Variants in DNAH17 observed in about 807,000 individuals in gnomAD.
The protein encoded by DNAH17 is axonemal beta dynein heavy chain 17.
In DNAH17, 376 loss-of-function variants were observed where a neutral mutation model predicts 485.6. The observed-to-expected ratio is 0.77, with a 90% confidence interval of 0.71 to 0.84. DNAH17 has a LOEUF of 0.84. Among genes scored for constraint, DNAH17 ranks in the 40% least tolerant of loss-of-function variants. DNAH17 has a pLI of 0.00. For synonymous variants in DNAH17, 3,031 were observed against 2,405.9 expected, an observed-to-expected ratio of 1.26 and a Z score of -7.60; for missense variants, 6,370 against 5,839.3, an observed-to-expected ratio of 1.09 and a Z score of -2.96.
At chr17:78,425,684 C>G in intron 79 of DNAH17, 113 bp from the exon 80 acceptor site, 1 of 956,752 alleles carries the variant, frequency 1.0e-6, no homozygotes, top group African/African-American at 1.7e-5. Context: ...GGCCACTCAG[C>G]GAGCTAGAAG....
At position 78,442,100 on chromosome 17, in the gene DNAH17, T is replaced by G. The variant is rs530678603; in HGVS notation, c.11529-901A>C. ...TCCATCTCAGAAAAAAAAAAATTAGTAAGATTTTAGTGGCCAGCTGGTCTC... is the reference window on the plus strand; with the variant it reads ...TCCATCTCAGAAAAAAAAAAATTAGGAAGATTTTAGTGGCCAGCTGGTCTC... On this transcript the variant is annotated intron_variant, in intron 71 of 80. Transcript: ENST00000389840. Among the ~76,000 whole-genome samples the G allele has an allele frequency of 5.4e-5, 8 of 148,866 alleles. No homozygotes were observed. The East Asian group carries it at 1.2e-3, about 22-fold the overall frequency.
chr17:78,474,922 C>G (rs2088941023), intron 54 of DNAH17, among the ~76,000 whole-genome samples: 1 of 148,410 alleles, frequency 6.7e-6, no homozygotes, highest in African/African-American at 2.5e-5. Context: ...CGCTTCACCT[C>G]AGTCACACGG....
chr17:78,432,456 C>T (rs1297011171), intron 75 of DNAH17, among the ~76,000 whole-genome samples: 2 of 152,218 alleles, frequency 1.3e-5, no homozygotes, highest in Non-Finnish European at 2.9e-5. Context: ...CCAGGGAGCA[C>T]AGGGAGCCAA....
At chr17:78,469,193 G>C (rs1415702279) in intron 54 of DNAH17, among the ~76,000 whole-genome samples, 3 of 152,108 alleles carry the variant, frequency 2.0e-5, no homozygotes, top group African/African-American at 7.2e-5. Flanking sequence ...CCAGGCTGGA[G>C]TGCAGTGATG....
chr17:78,492,983 T>C (rs1453166082), intron 41 of DNAH17: 2 of 424,490 alleles, frequency 4.7e-6, no homozygotes, highest in Non-Finnish European at 8.2e-6. Context: ...CCCAAGTAGC[T>C]GGGATTACAG....
chr17:78,466,836 A>G lies in DNAH17; in HGVS notation c.8779-20T>C, dbSNP rs746075694. On this transcript the variant is annotated intron_variant, in intron 55 of 80. Transcript: ENST00000389840. ...GATCACCTGGGTGTGGGAGACACAG[A>G]TGCGCTGCCTACTGGGACTGCAGTG... The G allele has an allele frequency of 9.0e-6, 14 of 1,550,820 alleles. No individual in the cohort carries two copies. The highest frequency in any genetic ancestry group is 1.4e-5 in the African/African-American group (1 of 72,576).
intron 25 of DNAH17, among the ~76,000 whole-genome samples, chr17:78,519,927 T>C (rs1490389814): frequency 6.6e-6 from 1 of 152,036 alleles, no homozygotes; most frequent in Admixed American, 6.6e-5. Flanking sequence ...CTGACCAACA[T>C]AGTGAAACCC....
chr17:78,522,075 C>T (rs2090948344), intron 25 of DNAH17, among the ~76,000 whole-genome samples: 1 of 152,190 alleles, frequency 6.6e-6, no homozygotes, highest in South Asian at 2.1e-4. Context: ...AAATTACTCG[C>T]AATCACAACC....
chr17:78,470,358 G>A (rs1011022556), intron 54 of DNAH17, among the ~76,000 whole-genome samples: 23 of 149,062 alleles, frequency 1.5e-4, no homozygotes, highest in South Asian at 2.2e-4. Flanking sequence ...ATGAGCCACC[G>A]TGCCCAGCCG....
In DNAH17 at chr17:78,490,773, C is replaced by G. The variant is rs2089815665; in HGVS notation, c.6744G>C (p.Leu2248=). 2 of 1,605,464 alleles carry G rather than the reference C, an allele frequency of 1.2e-6. No individual in the cohort carries two copies. Among genetic ancestry groups the G allele is most frequent in the Admixed American group, 3.4e-5 (2 of 58,816 alleles). ...TMRLVFEISH[L]RTATPATVSR... ...AAACGGTGGCTGGGGTGGCCGTCCTCAGGTGGCTGATTTCGAACACCAGCC... is the reference window on the plus strand; with the variant it reads ...AAACGGTGGCTGGGGTGGCCGTCCTGAGGTGGCTGATTTCGAACACCAGCC... The change falls in exon 44 of 81, where the codon CTG becomes CTC. Residue 2248 remains leucine, a synonymous_variant. Transcript: ENST00000389840.
At position 78,428,526 on chromosome 17, in the gene DNAH17, T is replaced by C. The variant is rs1331474662; in HGVS notation, c.12587A>G (p.Lys4196Arg). The change falls in exon 77 of 81, where the codon AAG becomes AGG. Residue 4196 changes from lysine (K) to arginine (R), a missense_variant and splice_region_variant. Coordinates refer to ENST00000389840, the MANE Select transcript of DNAH17 (RefSeq NM_173628.4). ...TGGGAGCAGTTTCAAAGATCCTGCC[T>C]TCTCCTCGCGGGACACTCCCGTGCC... ...GAGTGVSREE[K>R]VKAVLDDILE... The C allele has an allele frequency of 6.3e-7, 1 of 1,599,998 alleles. No homozygotes were observed. The highest frequency in any genetic ancestry group is 1.1e-5 in the South Asian group (1 of 88,718).
At chr17:78,448,989 G>T (rs1157381720) in intron 69 of DNAH17, among the ~76,000 whole-genome samples, 1 of 152,190 alleles carries the variant, frequency 6.6e-6, no homozygotes, top group East Asian at 1.9e-4. Flanking sequence ...TTCAGAGAAT[G>T]CAGATCTTTA....
At chr17:78,458,743 G>A (rs973995239) in intron 61 of DNAH17, 63 bp from the exon 62 acceptor site, 14 of 1,417,428 alleles carry the variant, frequency 9.9e-6, no homozygotes, top group African/African-American at 7.1e-5. Context: ...CCCCTGCAGC[G>A]GCAGCAGGGC....
chr17:78,486,241 C>A lies in DNAH17; in HGVS notation c.7084G>T (p.Ala2362Ser), dbSNP rs377570773. 1 of 1,588,554 alleles carries A rather than the reference C, an allele frequency of 6.3e-7. No individual in the cohort carries two copies. The highest frequency in any genetic ancestry group is 8.6e-7 in the Non-Finnish European group (1 of 1,164,274). Reference protein sequence around the residue: ...VFTCFWAFGGAMFQDQLVDYR... With the variant: ...VFTCFWAFGGSMFQDQLVDYR... ...TGCATCACCTGGTCCTGGAACATGG[C>A]GCCACCGAAGGCCCAGAAGCAGGTG... is the stretch of plus-strand genomic sequence containing the variant. The change falls in exon 45 of 81, where the codon GCC (alanine) becomes TCC (serine). Residue 2362 changes from alanine to serine, a missense_variant. Coordinates refer to ENST00000389840, the MANE Select transcript of DNAH17 (RefSeq NM_173628.4).
chr17:78,494,652 T>C lies in DNAH17; in HGVS notation c.6211A>G (p.Ile2071Val), dbSNP rs947755237. Residue 2071 changes from isoleucine (I) to valine (V), a missense_variant, in exon 40 of 81, where the codon ATC becomes GTC. By Grantham distance (29) the Ile-to-Val change is conservative (BLOSUM62 3). Transcript: ENST00000389840. The part of the protein sequence containing the change: ...TDDLPVFMGL[I>V]GDLFPALDVP... ...TCCAGAGCCGGGAAGAGGTCCCCGA[T>C]CAGTCCCATGAATACGGGCAGGTCG... is the stretch of plus-strand genomic sequence containing the variant. 1 of 1,613,932 alleles carries C rather than the reference T, an allele frequency of 6.2e-7. No homozygotes were observed. Among genetic ancestry groups the C allele is most frequent in the Admixed American group, 1.7e-5 (1 of 60,016 alleles).
At chr17:78,450,446 G>A in intron 67 of DNAH17, 52 bp from the exon 68 acceptor site, 1 of 1,602,022 alleles carries the variant, frequency 6.2e-7, no homozygotes, top group African/African-American at 1.3e-5. Context: ...GCAGTGCCAT[G>A]AGCAGGTGGG....
intron 72 of DNAH17, among the ~76,000 whole-genome samples, chr17:78,440,781 T>C (rs2087043805): frequency 6.6e-6 from 1 of 152,218 alleles, no homozygotes; most frequent in African/African-American, 2.4e-5. Context: ...CTTGTGCCAA[T>C]TCTATATGTA....
At chr17:78,560,967 T>G in intron 12 of DNAH17, 32 bp from the exon 13 acceptor site, 1 of 1,526,654 alleles carries the variant, frequency 6.6e-7, no homozygotes, top group Non-Finnish European at 8.8e-7. Context: ...GAGGCCCCAC[T>G]GGATATCTCC....
At chr17:78,463,495 T>TAC (rs1444465739) in intron 56 of DNAH17, among the ~76,000 whole-genome samples, 3 of 152,112 alleles carry the variant, frequency 2.0e-5, no homozygotes, top group Non-Finnish European at 2.9e-5. Context: ...CCTGTATATA[T>TAC]ACACGTGCAT....
Sources: gnomAD v4.1 joint callset for allele counts (sites outside exome capture counted in the v4.1 genomes callset) on GRCh38, gnomAD v4.1.1 for gene constraint, MANE v1.5 for transcripts, NCBI Gene and HGNC (gene_info 2026-07-23, HGNC 2026-07-21) for gene names.